The following HSPA14 variants were observed in gnomAD, a reference collection of about 807,000 sequenced individuals.
HSPA14 encodes the protein heat shock protein family A (Hsp70) member 14.
A neutral mutation model predicts 65.5 loss-of-function variants in HSPA14; 37 were observed. That is an observed-to-expected ratio of 0.56 (90% CI 0.43 to 0.74). The LOEUF (loss-of-function observed/expected upper bound fraction) is 0.74, where lower values mean the gene tolerates loss of function less well. Among genes scored for constraint, HSPA14 ranks in the 30% least tolerant of loss-of-function variants. The pLI is 0.00. For missense variants in HSPA14, 564 were observed against 607.6 expected, an observed-to-expected ratio of 0.93 and a Z score of 0.75; for synonymous variants, 203 against 214.2, an observed-to-expected ratio of 0.95 and a Z score of 0.46.
intron 3 of HSPA14, chr10:14,844,333 C>T: frequency 9.6e-7 from 1 of 1,041,036 alleles, no homozygotes; most frequent in South Asian, 3.3e-5. Context: ...ATTCATATGG[C>T]CTTGGCTGAG....
At position 14,843,698 on chromosome 10, in the gene HSPA14, G is replaced by A. The variant is rs1489105547; in HGVS notation, c.221+3541G>A. The A allele has an allele frequency of 1.2e-5, 19 of 1,541,272 alleles. No individual in the cohort carries two copies. The East Asian group carries it at 2.2e-4, about 18-fold the overall frequency. ...CGATTGGCACGAGAACTCTCAAAGC[G>A]GGAGGAAGAAAAACTGGACAGGCTG... On this transcript the variant is annotated intron_variant, in intron 3 of 13. Coordinates refer to ENST00000378372, the MANE Select transcript of HSPA14 (RefSeq NM_016299.4).
At chr10:14,845,928 C>T (rs925600278) in intron 3 of HSPA14, 11 of 728,598 alleles carry the variant, frequency 1.5e-5, no homozygotes, top group African/African-American at 1.9e-5. Context: ...TTTCCTAGTA[C>T]CTTCCAGCTC....
intron 1 of HSPA14, among the ~76,000 whole-genome samples, chr10:14,839,325 G>C (rs992329577): frequency 2.0e-5 from 3 of 152,264 alleles, no homozygotes; most frequent in Non-Finnish European, 4.4e-5. Flanking sequence ...TGTAATCCCA[G>C]CACTTTGGGA....
intron 3 of HSPA14, 134 bp downstream of exon 3, chr10:14,840,291 G>GT (rs1297744732): frequency 2.9e-6 from 1 of 342,576 alleles, no homozygotes; most frequent in African/African-American, 2.2e-5. Context: ...ATTACAGAGA[G>GT]TACCCCCAGT....
At chr10:14,870,474 C>T (rs2131654396) in intron 12 of HSPA14, 123 bp from the exon 13 acceptor site, 2 of 1,074,902 alleles carry the variant, frequency 1.9e-6, no homozygotes, top group East Asian at 6.2e-5. Flanking sequence ...GAATTGAAAA[C>T]TGCCCTATTT....
chr10:14,842,052 C>T lies in HSPA14; in HGVS notation c.221+1895C>T. The T allele has an allele frequency of 9.8e-7, 1 of 1,017,998 alleles. No homozygotes were observed. 63.1% of individuals were successfully genotyped at this position (1,017,998 alleles called of 1,614,324 possible). ...TGGCCTCATGCCTGTTTATGACCTA[C>T]TCACAGGTAGCACCACTTAACTTGC... On this transcript the variant is annotated intron_variant, in intron 3 of 13. Transcript: ENST00000378372. This position sits in a 1 kb window ranked among gnomAD's most constrained non-coding sequence, Gnocchi z 5.2.
intron 10 of HSPA14, among the ~76,000 whole-genome samples, chr10:14,862,909 C>T (rs1832768104): frequency 6.6e-6 from 1 of 152,040 alleles, no homozygotes; most frequent in African/African-American, 2.4e-5. Context: ...GTCTTGAACT[C>T]CTAGGCTCAA....
chr10:14,853,267 T>G (rs1834121856), intron 8 of HSPA14, among the ~76,000 whole-genome samples: 1 of 152,216 alleles, frequency 6.6e-6, no homozygotes. Flanking sequence ...GTTTTAAACA[T>G]GAACTCATAT....
At chr10:14,856,457 C>T (rs1744674570) in intron 10 of HSPA14, among the ~76,000 whole-genome samples, 1 of 152,210 alleles carries the variant, frequency 6.6e-6, no homozygotes, top group African/African-American at 2.4e-5. Context: ...CAGGCTGCTT[C>T]CCGTTCCTTG....
intron 10 of HSPA14, among the ~76,000 whole-genome samples, chr10:14,864,396 T>C (rs1366689190): frequency 6.6e-6 from 1 of 151,892 alleles, no homozygotes. Context: ...GTTGGTTACA[T>C]ATGTACACAT....
At chr10:14,858,694 G>A (rs1832727484) in intron 10 of HSPA14, among the ~76,000 whole-genome samples, 1 of 152,232 alleles carries the variant, frequency 6.6e-6, no homozygotes, top group Non-Finnish European at 1.5e-5. Context: ...TTGTGGGAGT[G>A]AGTGGGATGG....
At chr10:14,844,776 A>C (rs1284567521) in intron 3 of HSPA14, 2 of 984,782 alleles carry the variant, frequency 2.0e-6, no homozygotes, top group African/African-American at 3.5e-5. Flanking sequence ...TATATGCCTA[A>C]ATTACATCTT....
At chr10:14,844,245 G>T in intron 3 of HSPA14, 2 of 1,076,154 alleles carry the variant, frequency 1.9e-6, no homozygotes, top group Non-Finnish European at 2.3e-6. Context: ...ACCTCACAGG[G>T]TTGTTGTGAG....
At chr10:14,861,201 T>A (rs1832747299) in intron 10 of HSPA14, among the ~76,000 whole-genome samples, 1 of 152,142 alleles carries the variant, frequency 6.6e-6, no homozygotes, top group Non-Finnish European at 1.5e-5. Context: ...ACTCTCAAGT[T>A]GTGTTACAAG....
rs187571986 is a variant in HSPA14, at chr10:14,852,422, G to T, written c.625G>T (p.Glu209Ter). The change falls in exon 8 of 14, where the codon GAA becomes TAA. Residue 209 changes from glutamate to a stop codon, truncating the protein, a stop_gained. Transcript: ENST00000378372. LOFTEE classifies it high-confidence loss of function. ...AACATCCTTATCTCTCAGCGTCATG[G>T]AAGTTAACAGTGGAATATATCGGGT... ...GGTSLSLSVM[E>*]VNSGIYRVLS... 6.2e-7 allele frequency: 1 copy of T among 1,613,944 alleles called. No homozygotes were observed. Among genetic ancestry groups the T allele is most frequent in the East Asian group, 2.2e-5 (1 of 44,868 alleles).
rs559377311 is a variant in HSPA14 at position 14,846,370 on chromosome 10, T to C, written c.222-2239T>C. ...ATGAAAGGAGTGCTGAAGAAGAGCA[T>C]TGGAATTAATATTTGGATGTGGTAT... On this transcript the variant is annotated intron_variant, in intron 3 of 13. Transcript: ENST00000378372. 5.1e-6 allele frequency: 5 copies of C among 985,344 alleles called. No homozygotes were observed. In the Admixed American group the frequency reaches 2.5e-4, roughly 48 times the overall value. The allele number at this position is 985,344 out of a possible 1,614,324, so 61.0% of individuals were successfully genotyped here. A position where few individuals can be genotyped will look rare whatever the true frequency, so the allele number is the denominator to read the frequency against.
chr10:14,844,634 A>G, intron 3 of HSPA14: 1 of 985,118 alleles, frequency 1.0e-6, no homozygotes, highest in Non-Finnish European at 1.2e-6. Flanking sequence ...AATATAAGGA[A>G]ATAAGAAGTG....
In HSPA14 at chr10:14,852,420, T is replaced by C. The variant is rs1211982962; in HGVS notation, c.623T>C (p.Met208Thr). 1.2e-6 allele frequency: 2 copies of C among 1,613,936 alleles called. No individual in the cohort carries two copies. The highest frequency in any genetic ancestry group is 1.7e-6 in the Non-Finnish European group (2 of 1,179,838). ...GGAACATCCTTATCTCTCAGCGTCA[T>C]GGAAGTTAACAGTGGAATATATCGG... ...LGGTSLSLSVMEVNSGIYRVL... is the reference protein window; with the variant it reads ...LGGTSLSLSVTEVNSGIYRVL... The change falls in exon 8 of 14, where the codon ATG (methionine) becomes ACG (threonine). Residue 208 changes from methionine to threonine, a missense_variant. Transcript: ENST00000378372.
intron 13 of HSPA14, among the ~76,000 whole-genome samples, chr10:14,871,247 A>G (rs896661305): frequency 1.3e-5 from 2 of 152,178 alleles, no homozygotes; most frequent in African/African-American, 4.8e-5. Flanking sequence ...GCTTATATAA[A>G]GTCTTAAACC....
Sources: allele counts gnomAD v4.1 joint callset (sites outside exome capture counted in the v4.1 genomes callset), GRCh38; gene constraint gnomAD v4.1.1; non-coding constraint Gnocchi (gnomAD v3.1); transcripts MANE v1.5; gene names NCBI Gene and HGNC (gene_info 2026-07-23, HGNC 2026-07-21).